The following FGGY variants were observed in gnomAD, a reference collection of about 807,000 sequenced individuals.
FGGY encodes FGGY carbohydrate kinase domain-containing protein.
FGGY carries 72 observed loss-of-function variants against 71.3 expected under a neutral mutation model. That is an observed-to-expected ratio of 1.01 (90% CI 0.84 to 1.23). The LOEUF (loss-of-function observed/expected upper bound fraction) is 1.23. Among genes scored for constraint, FGGY ranks in the 50% most tolerant of loss-of-function variants. The pLI is 0.00. For synonymous variants in FGGY, 251 were observed against 250.3 expected (o/e 1.00, Z -0.02); for missense variants, 668 against 682.3 (o/e 0.98, Z 0.23).
At chr1:59,602,073 A>G (rs979439875) in intron 8 of FGGY, among the ~76,000 whole-genome samples, 1 of 152,252 alleles carries the variant, frequency 6.6e-6, no homozygotes, top group African/African-American at 2.4e-5. Context: ...CAGCTGGGCT[A>G]GAACAACTCA....
chr1:59,668,134 A>C (rs917545931), intron 13 of FGGY, among the ~76,000 whole-genome samples: 2 of 152,344 alleles, frequency 1.3e-5, no homozygotes, highest in African/African-American at 4.8e-5. Context: ...TGATATCAGC[A>C]GACAGTGGGG....
At chr1:59,346,152 A>G in intron 3 of FGGY, 95 bp from the exon 4 acceptor site, 1 of 1,463,786 alleles carries the variant, frequency 6.8e-7, no homozygotes, top group South Asian at 1.3e-5. Flanking sequence ...TATAGAAAGT[A>G]CATAGCATTT....
At chr1:59,346,895 A>G (rs2052052535) in intron 4 of FGGY, among the ~76,000 whole-genome samples, 1 of 151,468 alleles carries the variant, frequency 6.6e-6, no homozygotes, top group African/African-American at 2.4e-5. Flanking sequence ...ATCCTGCAAA[A>G]GTGATATGAT....
rs113397132 is a variant in FGGY at position 59,675,283 on chromosome 1, A to G, written c.1512+1150A>G. 4.9e-3 allele frequency among the ~76,000 whole-genome samples: 748 copies of G among 152,054 alleles called. 5 individuals are homozygous for G. Among genetic ancestry groups the G allele is most frequent in the African/African-American group, 0.017 (714 of 41,454 alleles). ...GTAATTAGAGCTTTGTTTATTGTGA[A>G]CCTCTTATGTTCCAGACACTATGCT... On this transcript the variant is annotated intron_variant, in intron 14 of 15. Coordinates refer to ENST00000303721, the MANE Select transcript of FGGY (RefSeq NM_018291.5).
At chr1:59,517,201 G>A (rs1318524832) in intron 7 of FGGY, among the ~76,000 whole-genome samples, 1 of 148,720 alleles carries the variant, frequency 6.7e-6, no homozygotes, top group African/African-American at 2.5e-5. Flanking sequence ...CAACTGCCCT[G>A]AAAGGCAATA....
At chr1:59,301,703 A>ATT (rs2042758031) in intron 1 of FGGY, among the ~76,000 whole-genome samples, 1 of 114,824 alleles carries the variant, frequency 8.7e-6, no homozygotes, top group African/African-American at 3.3e-5. Flanking sequence ...TGTTGTGATC[A>ATT]TTCTTTTTTT....
At chr1:59,511,222 C>G (rs2094509799) in intron 6 of FGGY, among the ~76,000 whole-genome samples, 1 of 152,158 alleles carries the variant, frequency 6.6e-6, no homozygotes, top group African/African-American at 2.4e-5. Context: ...GCTGTTCACT[C>G]TCTGACCCCT....
chr1:59,644,443 G>C (rs1191229058), intron 11 of FGGY, among the ~76,000 whole-genome samples: 1 of 152,098 alleles, frequency 6.6e-6, no homozygotes, highest in East Asian at 1.9e-4. Context: ...TAGCATGGCT[G>C]GACTAGGTAC....
intron 6 of FGGY, among the ~76,000 whole-genome samples, chr1:59,462,744 A>G (rs1440941497): frequency 1.3e-5 from 2 of 152,324 alleles, no homozygotes; most frequent in South Asian, 2.1e-4. Flanking sequence ...AATGCAAATC[A>G]AAACCACAAT....
intron 4 of FGGY, among the ~76,000 whole-genome samples, chr1:59,367,946 C>A (rs985382261): frequency 2.9e-4 from 44 of 152,092 alleles, no homozygotes; most frequent in Admixed American, 9.2e-4. Context: ...TTGCTTTAAG[C>A]TGAGGGATTG....
At chr1:59,385,032 TA>T (rs2059918254) in intron 5 of FGGY, among the ~76,000 whole-genome samples, 1 of 152,172 alleles carries the variant, frequency 6.6e-6, no homozygotes, top group East Asian at 1.9e-4. Context: ...GGGTCTTTTT[TA>T]AAAATACGTT....
chr1:59,724,584 C>G (rs1214066985), intron 14 of FGGY, among the ~76,000 whole-genome samples: 1 of 151,716 alleles, frequency 6.6e-6, no homozygotes, highest in Non-Finnish European at 1.5e-5. Context: ...CTCTATAGTT[C>G]TACCTTTTCT....
At chr1:59,410,826 A>C (rs2063504249) in intron 5 of FGGY, among the ~76,000 whole-genome samples, 1 of 152,190 alleles carries the variant, frequency 6.6e-6, no homozygotes, top group Admixed American at 6.5e-5. Flanking sequence ...CATATATACA[A>C]AATAAATGTA....
chr1:59,605,317 C>G (rs2096613561), intron 8 of FGGY, among the ~76,000 whole-genome samples: 1 of 152,156 alleles, frequency 6.6e-6, no homozygotes, highest in Admixed American at 6.6e-5. Flanking sequence ...GAGGGGTTTT[C>G]CAGAAGGCAA....
intron 7 of FGGY, among the ~76,000 whole-genome samples, chr1:59,534,186 A>G (rs2095247906): frequency 6.6e-6 from 1 of 152,224 alleles, no homozygotes; most frequent in South Asian, 2.1e-4. Context: ...TGAAGAATGC[A>G]GAAGCCTCAG....
intron 7 of FGGY, among the ~76,000 whole-genome samples, chr1:59,533,094 C>T (rs990417927): frequency 2.0e-5 from 3 of 152,042 alleles, no homozygotes; most frequent in South Asian, 2.1e-4. Flanking sequence ...GTCTGAGGTA[C>T]GGGGTTCATC....
intron 11 of FGGY, among the ~76,000 whole-genome samples, chr1:59,655,857 T>C: frequency 6.6e-6 from 1 of 152,320 alleles, no homozygotes; most frequent in East Asian, 1.9e-4. Flanking sequence ...TCATAGATGT[T>C]ACAAAATTCA....
At chr1:59,629,083 G>A (rs1016038943) in intron 10 of FGGY, among the ~76,000 whole-genome samples, 1 of 152,108 alleles carries the variant, frequency 6.6e-6, no homozygotes, top group Non-Finnish European at 1.5e-5. Context: ...GGGGGATAGG[G>A]GAGGGATAGC....
chr1:59,721,950 G>C (rs2097900613), intron 14 of FGGY, among the ~76,000 whole-genome samples: 1 of 152,192 alleles, frequency 6.6e-6, no homozygotes, highest in South Asian at 2.1e-4. Context: ...AGTAATAGAA[G>C]CAAAGCGAGA....
Sources: allele counts gnomAD v4.1 joint callset (sites outside exome capture counted in the v4.1 genomes callset), GRCh38; gene constraint gnomAD v4.1.1; transcripts MANE v1.5; gene names NCBI Gene and HGNC (gene_info 2026-07-23, HGNC 2026-07-21).